SOX6: variants seen among roughly 807,000 people sequenced by gnomAD.
The protein encoded by SOX6 is transcription factor SOX-6.
Under a neutral mutation model 97.8 loss-of-function variants are expected in SOX6, and 11 were observed. The observed-to-expected ratio is 0.11, with a 90% CI of 0.07 to 0.19. The LOEUF is 0.19. SOX6 is among the 10% of genes least tolerant of loss of function. The pLI is 1.00. For missense variants in SOX6, 810 were observed against 1,039.5 expected, an observed-to-expected ratio of 0.78 and a Z score of 3.04; for synonymous variants, 360 against 371.4, an observed-to-expected ratio of 0.97 and a Z score of 0.35.
intron 6 of SOX6, among the ~76,000 whole-genome samples, chr11:16,154,975 G>C (rs74519607): frequency 1.3e-5 from 2 of 151,560 alleles, no homozygotes; most frequent in South Asian, 2.1e-4. Flanking sequence ...TAAGACTATC[G>C]CTCCTTCTTT....
chr11:16,635,988 G>C (rs934893440), intron 3 of SOX6, among the ~76,000 whole-genome samples: 1 of 152,232 alleles, frequency 6.6e-6, no homozygotes, highest in Non-Finnish European at 1.5e-5. Flanking sequence ...GAGCCCTCAT[G>C]GAGAGCCTCT....
intron 14 of SOX6, 112 bp from the exon 15 acceptor site, chr11:15,986,532 C>A: frequency 2.1e-6 from 2 of 933,662 alleles, no homozygotes; most frequent in Non-Finnish European, 3.4e-6. Context: ...TGGGTGGCTC[C>A]AATTCCCACA....
intron 3 of SOX6, among the ~76,000 whole-genome samples, chr11:16,288,177 T>A (rs1041339080): frequency 6.6e-6 from 1 of 152,054 alleles, no homozygotes; most frequent in Non-Finnish European, 1.5e-5. Context: ...TCCCTGGAAA[T>A]AACCCCGATT....
intron 1 of SOX6, among the ~76,000 whole-genome samples, chr11:16,427,178 C>G (rs1859159387): frequency 1.3e-5 from 2 of 151,792 alleles, no homozygotes; most frequent in South Asian, 4.2e-4. Context: ...ATCAACAAAG[C>G]AAAGAAGCAA....
In SOX6 at chr11:16,484,036, C is replaced by T. The variant is rs909511048; in HGVS notation, n.610-7648G>A. On this transcript the variant is annotated intron_variant and non_coding_transcript_variant, in intron 4 of 5. Transcript: ENST00000524520. ...TCCTCGGGCTTGGCCCAGGGCCTGT[C>T]GGGAGAGCCGAGGGGGCTGTAGGCA... is the stretch of plus-strand genomic sequence containing the variant. 1.0e-5 allele frequency: 8 copies of T among 797,096 alleles called. No individual in the cohort carries two copies. In the East Asian group the frequency reaches 1.2e-4, roughly 12 times the overall value. The allele number at this position is 797,096 out of a possible 1,614,324, so 49.4% of individuals were successfully genotyped here. A position where few individuals can be genotyped will look rare whatever the true frequency, so the allele number is the denominator to read the frequency against.
chr11:16,613,082 G>C lies in SOX6; in HGVS notation n.430-822C>G, dbSNP rs978732086. 1 of 152,922 alleles carries C rather than the reference G, an allele frequency of 6.5e-6. No individual in the cohort carries two copies. Among genetic ancestry groups the C allele is most frequent in the African/African-American group, 2.4e-5 (1 of 41,466 alleles). The allele number at this position is 152,922 out of a possible 1,614,324, so 9.5% of individuals were successfully genotyped here. ...GAAAAAAAGGGAGGAAAAAAGGAGG[G>C]GGGCAGCTCAAGCCTTGTCCAAGTT... On this transcript the variant is annotated intron_variant and non_coding_transcript_variant, in intron 3 of 5. Transcript: ENST00000524520. The surrounding 1 kb of genome is among the most constrained non-coding windows in gnomAD (Gnocchi z 4.6).
chr11:16,683,884 T>C (rs1847947989), intron 3 of SOX6, among the ~76,000 whole-genome samples: 1 of 151,608 alleles, frequency 6.6e-6, no homozygotes, highest in Non-Finnish European at 1.5e-5. Flanking sequence ...TAAACAAATT[T>C]ACAAGAAAAA....
intron 6 of SOX6, among the ~76,000 whole-genome samples, chr11:16,178,847 A>G (rs1046993267): frequency 6.6e-6 from 1 of 151,922 alleles, no homozygotes; most frequent in African/African-American, 2.4e-5. Flanking sequence ...CAGAGGGACT[A>G]TGTGGGATTG....
At chr11:16,083,448 A>G (rs1157166848) in intron 9 of SOX6, among the ~76,000 whole-genome samples, 1 of 152,196 alleles carries the variant, frequency 6.6e-6, no homozygotes, top group Non-Finnish European at 1.5e-5. Context: ...TGTTTTGTTA[A>G]TGAATAATTT....
chr11:16,035,565 A>G (rs962253517), intron 12 of SOX6, among the ~76,000 whole-genome samples: 9 of 152,216 alleles, frequency 5.9e-5, no homozygotes, highest in Non-Finnish European at 1.2e-4. Context: ...ATTACTAAGA[A>G]CACTTAATGA....
At chr11:16,514,528 T>C (rs1307997977) in intron 4 of SOX6, among the ~76,000 whole-genome samples, 1 of 152,034 alleles carries the variant, frequency 6.6e-6, no homozygotes, top group East Asian at 1.9e-4. Context: ...ATATAATATT[T>C]ATTGTGTCAG....
chr11:16,669,936 C>T (rs1050950336), intron 3 of SOX6, among the ~76,000 whole-genome samples: 1 of 152,096 alleles, frequency 6.6e-6, no homozygotes, highest in Non-Finnish European at 1.5e-5. Context: ...AGTCATACAA[C>T]CTAACAACCC....
At chr11:16,418,624 A>C (rs2133062869) in intron 1 of SOX6, among the ~76,000 whole-genome samples, 1 of 152,148 alleles carries the variant, frequency 6.6e-6, no homozygotes, top group East Asian at 1.9e-4. Context: ...TGGACCAGCT[A>C]TCCTTAGCTC....
chr11:16,674,005 T>G (rs200172476), intron 3 of SOX6, among the ~76,000 whole-genome samples: 1 of 151,792 alleles, frequency 6.6e-6, no homozygotes. Flanking sequence ...CTGGCTAACA[T>G]GGTGAAACCC....
At chr11:16,618,258 T>C (rs1848495740) in intron 3 of SOX6, among the ~76,000 whole-genome samples, 1 of 151,924 alleles carries the variant, frequency 6.6e-6, no homozygotes, top group South Asian at 2.1e-4. Context: ...TATTGCACAT[T>C]TCAATATGGA....
intron 7 of SOX6, among the ~76,000 whole-genome samples, chr11:16,105,116 C>CATATAAAT (rs1417145813): frequency 1.3e-5 from 2 of 152,044 alleles, no homozygotes; most frequent in African/African-American, 2.4e-5. Context: ...TCCACTATCC[C>CATATAAAT]ATATAAATAT....
rs1321357119 is a variant in SOX6, at chr11:16,234,615, G to C, written c.502C>G (p.Leu168Val). 1 of 1,598,774 alleles carries C rather than the reference G, an allele frequency of 6.3e-7. No individual in the cohort carries two copies. The highest frequency in any genetic ancestry group is 1.3e-5 in the African/African-American group (1 of 74,664). ...SKDWKEKMERLNTSELLGEIK... is the reference protein window; with the variant it reads ...SKDWKEKMERVNTSELLGEIK... ...TCTCCAAGAAGTTCACTGGTATTTA[G>C]TCTTTCCATTTTTTCCTTCCAATCT... The change falls in exon 4 of 16, where the codon CTA becomes GTA. Residue 168 changes from leucine (L) to valine (V), a missense_variant. This residue lies in a region of SOX6 where 110 missense variants were observed against 119.0 expected (regional missense o/e 0.92). Coordinates refer to ENST00000683767, the MANE Select transcript of SOX6 (RefSeq NM_001367873.1).
intron 4 of SOX6, among the ~76,000 whole-genome samples, chr11:16,553,321 G>T (rs1447768379): frequency 6.6e-6 from 1 of 152,188 alleles, no homozygotes; most frequent in Non-Finnish European, 1.5e-5. Flanking sequence ...GTTGGCAACT[G>T]TATTTATACT....
intron 4 of SOX6, among the ~76,000 whole-genome samples, chr11:16,493,510 T>C (rs1416939104): frequency 5.3e-5 from 8 of 152,174 alleles, no homozygotes; most frequent in African/African-American, 1.4e-4. Flanking sequence ...GTGGTTGGTA[T>C]AGGAAGAAGA....
Sources: allele counts gnomAD v4.1 joint callset (sites outside exome capture counted in the v4.1 genomes callset), GRCh38; gene constraint gnomAD v4.1.1; regional missense constraint gnomAD v4.1.1; non-coding constraint Gnocchi (gnomAD v3.1); transcripts MANE v1.5; gene names NCBI Gene and HGNC (gene_info 2026-07-23, HGNC 2026-07-21).